Variants in TMEM236 observed in about 807,000 individuals in gnomAD.
TMEM236 encodes transmembrane protein 236.
In TMEM236, 11 loss-of-function variants were observed where a neutral mutation model predicts 14.7. The ratio of observed to expected loss-of-function variants is 0.75; its 90% CI spans 0.47 to 1.24. The LOEUF (loss-of-function observed/expected upper bound fraction) is 1.24. Ranked by LOEUF, TMEM236 falls within the 50% of genes most tolerant of loss-of-function variation. TMEM236 has a pLI of 0.00. For synonymous variants in TMEM236, 182 were observed against 168.6 expected, an observed-to-expected ratio of 1.08 and a Z score of -0.62; for missense variants, 464 against 427.3, an observed-to-expected ratio of 1.09 and a Z score of -0.76.
At chr10:17,777,954 G>T (rs1837685826) in intron 3 of TMEM236, among the ~76,000 whole-genome samples, 2 of 152,152 alleles carry the variant, frequency 1.3e-5, no homozygotes, top group South Asian at 4.1e-4. Context: ...GGCCAGGCTG[G>T]TCTCGAACTC....
At position 17,795,993 on chromosome 10, in the gene TMEM236, G is replaced by A; in HGVS notation, c.545G>A (p.Ser182Asn). Reference sequence around the variant, plus strand: ...ACTGTGACGGAGCAAGTGAGGCAAAGTCCAGAAAACGCTGCATCTCCCCAG... The same window carrying A: ...ACTGTGACGGAGCAAGTGAGGCAAAATCCAGAAAACGCTGCATCTCCCCAG... ...IKTVTEQVRQ[S>N]PENAASPQAT... The change falls in exon 4 of 4, where the codon AGT (serine) becomes AAT (asparagine). Residue 182 changes from serine (S) to asparagine (N), a missense_variant. Ser to Asn is a conservative substitution (Grantham distance 46, BLOSUM62 1). Transcript: ENST00000377495. The A allele has an allele frequency of 6.2e-7, 1 of 1,613,960 alleles. No individual in the cohort carries two copies. The highest frequency in any genetic ancestry group is 8.5e-7 in the Non-Finnish European group (1 of 1,179,866).
chr10:17,759,105 C>G (rs1837320911), intron 1 of TMEM236, among the ~76,000 whole-genome samples: 1 of 152,160 alleles, frequency 6.6e-6, no homozygotes, highest in African/African-American at 2.4e-5. Flanking sequence ...AATTATGGCT[C>G]CATTCTAGGG....
intron 3 of TMEM236, among the ~76,000 whole-genome samples, chr10:17,785,747 G>T (rs896441875): frequency 8.5e-5 from 13 of 152,178 alleles, no homozygotes; most frequent in African/African-American, 2.9e-4. Flanking sequence ...GACCAACCGG[G>T]GGGGGATATT....
rs1370572584 is a variant in TMEM236 at position 17,752,417 on chromosome 10, G to T, written c.122G>T (p.Arg41Ile). ...ACCGCCTACCAAGGAACAAGGGCTA[G>T]ATCTGACAACACACACTACTGGCTG... Reference protein sequence around the residue: ...FATAYQGTRARSDNTHYWLII... With the variant: ...FATAYQGTRAISDNTHYWLII... The change falls in exon 1 of 4, where the codon AGA becomes ATA. Residue 41 changes from arginine (R) to isoleucine (I), a missense_variant. By Grantham distance (97) the Arg-to-Ile change is moderately conservative. Coordinates refer to ENST00000377495, the MANE Select transcript of TMEM236 (RefSeq NM_001098844.3). 3.1e-6 allele frequency: 5 copies of T among 1,613,814 alleles called. No homozygotes were observed. In the Admixed American group the frequency reaches 8.3e-5, roughly 27 times the overall value.
intron 1 of TMEM236, among the ~76,000 whole-genome samples, chr10:17,761,417 G>C (rs1293998577): frequency 6.6e-6 from 1 of 152,130 alleles, no homozygotes; most frequent in African/African-American, 2.4e-5. Flanking sequence ...TCTGGGCCAG[G>C]CGTGCTGGTT....
At chr10:17,793,586 C>G (rs1454809414) in intron 3 of TMEM236, among the ~76,000 whole-genome samples, 1 of 152,202 alleles carries the variant, frequency 6.6e-6, no homozygotes, top group African/African-American at 2.4e-5. Flanking sequence ...CGGGTTCAAG[C>G]AATTCTCATG....
At chr10:17,780,871 C>T (rs1201388954) in intron 3 of TMEM236, among the ~76,000 whole-genome samples, 66 of 152,202 alleles carry the variant, frequency 4.3e-4, no homozygotes, top group Admixed American at 4.3e-3. Flanking sequence ...CAGAGTGCAC[C>T]GGGTTTTATA....
At chr10:17,787,211 C>T (rs1029589789) in intron 3 of TMEM236, among the ~76,000 whole-genome samples, 5 of 152,204 alleles carry the variant, frequency 3.3e-5, no homozygotes, top group African/African-American at 7.2e-5. Context: ...CTGTTGGTGC[C>T]AACTGTCTGC....
intron 2 of TMEM236, among the ~76,000 whole-genome samples, chr10:17,772,532 G>C (rs954700785): frequency 1.3e-5 from 2 of 152,172 alleles, no homozygotes; most frequent in African/African-American, 4.8e-5. Context: ...GAGCTCGATA[G>C]CCCTTTTTGG....
At chr10:17,753,343 C>T (rs1288423002) in intron 1 of TMEM236, among the ~76,000 whole-genome samples, 1 of 152,212 alleles carries the variant, frequency 6.6e-6, no homozygotes, top group African/African-American at 2.4e-5. Context: ...ATTATTTCAT[C>T]ACCCAGGTAT....
At chr10:17,767,449 GACTC>G (rs1346862861) in intron 1 of TMEM236, among the ~76,000 whole-genome samples, 2 of 152,142 alleles carry the variant, frequency 1.3e-5, no homozygotes, top group African/African-American at 4.8e-5. Context: ...GATAGAGTAA[GACTC>G]CATCTCAAAA....
chr10:17,768,726 C>CGT (rs1420008913), intron 1 of TMEM236, among the ~76,000 whole-genome samples: 5,689 of 122,596 alleles, frequency 0.046, 159 homozygotes, highest in African/African-American at 0.096. Context: ...GTATACAACT[C>CGT]ATGTGTGTGT....
At chr10:17,769,669 A>G (rs1837535396) in intron 1 of TMEM236, among the ~76,000 whole-genome samples, 1 of 152,130 alleles carries the variant, frequency 6.6e-6, no homozygotes, top group Admixed American at 6.5e-5. Flanking sequence ...CCAGTTGAAA[A>G]TTCCATCAGG....
rs1457217728 is a variant in TMEM236 at position 17,774,081 on chromosome 10, A to T, written c.331-1948A>T. 1.5e-4 allele frequency among the ~76,000 whole-genome samples: 22 copies of T among 151,532 alleles called. No individual in the cohort carries two copies. The South Asian group carries it at 4.6e-3, about 32-fold the overall frequency. On this transcript the variant is annotated intron_variant, in intron 2 of 3. Coordinates refer to ENST00000377495, the MANE Select transcript of TMEM236 (RefSeq NM_001098844.3). Reference sequence around the variant, plus strand: ...TGTTTTTGAGATGAAGTGTTGCCCTATTGCCCAGGCTGGACTGCAGTGGTG... The same window carrying T: ...TGTTTTTGAGATGAAGTGTTGCCCTTTTGCCCAGGCTGGACTGCAGTGGTG...
chr10:17,785,505 A>C (rs1185867976), intron 3 of TMEM236, among the ~76,000 whole-genome samples: 1 of 152,184 alleles, frequency 6.6e-6, no homozygotes, highest in Non-Finnish European at 1.5e-5. Flanking sequence ...AACTCATGAC[A>C]CTTTTACCAA....
At chr10:17,775,227 C>T (rs2131752500) in intron 2 of TMEM236, among the ~76,000 whole-genome samples, 1 of 152,302 alleles carries the variant, frequency 6.6e-6, no homozygotes, top group South Asian at 2.1e-4. Flanking sequence ...TTCAATATTT[C>T]ATCATTAATA....
chr10:17,782,663 G>A (rs1317155510), intron 3 of TMEM236, among the ~76,000 whole-genome samples: 1 of 151,994 alleles, frequency 6.6e-6, no homozygotes, highest in Non-Finnish European at 1.5e-5. Flanking sequence ...TGTTGGCCAG[G>A]CTGGTCTTCA....
At chr10:17,768,974 C>G (rs1304290435) in intron 1 of TMEM236, among the ~76,000 whole-genome samples, 1 of 152,122 alleles carries the variant, frequency 6.6e-6, no homozygotes, top group Non-Finnish European at 1.5e-5. Flanking sequence ...GCATTAAGTA[C>G]ATTTACATTG....
At chr10:17,762,641 A>T (rs1837391335) in intron 1 of TMEM236, among the ~76,000 whole-genome samples, 3 of 133,414 alleles carry the variant, frequency 2.2e-5, no homozygotes, top group South Asian at 2.4e-4. Flanking sequence ...ATATATATAT[A>T]TTTAGGTTTT....
Sources: gnomAD v4.1 joint callset for allele counts (sites outside exome capture counted in the v4.1 genomes callset) on GRCh38, gnomAD v4.1.1 for gene constraint, MANE v1.5 for transcripts, NCBI Gene and HGNC (gene_info 2026-07-23, HGNC 2026-07-21) for gene names.